The following CNTN5 variants were observed in gnomAD, a reference collection of about 807,000 sequenced individuals.
CNTN5 encodes contactin-5.
Under a neutral mutation model 129.1 loss-of-function variants are expected in CNTN5, and 77 were observed. The observed-to-expected ratio is 0.60, with a 90% CI of 0.50 to 0.72. The LOEUF is 0.72. Ranked by LOEUF, CNTN5 falls within the 30% of genes least tolerant of loss-of-function variation. The pLI is 0.00. For synonymous variants in CNTN5, 509 were observed against 465.6 expected, an observed-to-expected ratio of 1.09 and a Z score of -1.20; for missense variants, 1,478 against 1,328.8, an observed-to-expected ratio of 1.11 and a Z score of -1.75.
chr11:99,474,173 A>C (rs1312836094), intron 2 of CNTN5, among the ~76,000 whole-genome samples: 1 of 151,898 alleles, frequency 6.6e-6, no homozygotes, highest in African/African-American at 2.4e-5. Context: ...ATTTATATAT[A>C]AAAAATACTG....
intron 3 of CNTN5, among the ~76,000 whole-genome samples, chr11:99,603,005 G>C (rs1172281881): frequency 1.4e-5 from 1 of 72,486 alleles, no homozygotes; most frequent in Non-Finnish European, 2.8e-5. Flanking sequence ...GGAAAAAACA[G>C]AACAGAAAAA....
intron 3 of CNTN5, among the ~76,000 whole-genome samples, chr11:99,751,557 T>C (rs542882078): frequency 2.5e-4 from 38 of 152,276 alleles, no homozygotes; most frequent in African/African-American, 8.9e-4. Context: ...CTATATAAAT[T>C]CAATGATAAA....
chr11:100,277,837 T>G (rs759549354), intron 18 of CNTN5, among the ~76,000 whole-genome samples: 55 of 152,258 alleles, frequency 3.6e-4, no homozygotes, highest in Non-Finnish European at 5.3e-4. Context: ...TTGTCTATTT[T>G]TGCTTTAGTT....
chr11:99,732,460 C>CTCAGTATAATAACTGAGT (rs1943567846), intron 3 of CNTN5, among the ~76,000 whole-genome samples: 1 of 150,988 alleles, frequency 6.6e-6, no homozygotes, highest in African/African-American at 2.4e-5. Flanking sequence ...TAACTGAGTA[C>CTCAGTATAATAACTGAGT]ATTGTACAGT....
intron 1 of CNTN5, among the ~76,000 whole-genome samples, chr11:99,216,951 G>A (rs1160400294): frequency 7.2e-5 from 11 of 152,070 alleles, no homozygotes; most frequent in Admixed American, 5.2e-4. Context: ...TTGGGAGGCC[G>A]AGGCAGGCAA....
chr11:99,631,322 G>A (rs1000835553), intron 3 of CNTN5, among the ~76,000 whole-genome samples: 15 of 151,998 alleles, frequency 9.9e-5, no homozygotes, highest in African/African-American at 3.6e-4. Context: ...CATATAATGA[G>A]CCATTTATGT....
intron 2 of CNTN5, among the ~76,000 whole-genome samples, chr11:99,353,724 A>G (rs1266181136): frequency 6.6e-6 from 1 of 152,178 alleles, no homozygotes; most frequent in African/African-American, 2.4e-5. Flanking sequence ...TTGCCTAAGA[A>G]TGAGGTTAAT....
chr11:99,476,170 T>A (rs2135293294), intron 2 of CNTN5, among the ~76,000 whole-genome samples: 1 of 152,168 alleles, frequency 6.6e-6, no homozygotes, highest in Non-Finnish European at 1.5e-5. Context: ...TATTTTTCTT[T>A]GATTTATTTT....
At chr11:99,032,101 C>G (rs576098932) in intron 1 of CNTN5, among the ~76,000 whole-genome samples, 1 of 151,926 alleles carries the variant, frequency 6.6e-6, no homozygotes, top group African/African-American at 2.4e-5. Flanking sequence ...TGAACTCATC[C>G]TTTTTTATGG....
chr11:100,098,280 G>C lies in CNTN5; in HGVS notation c.1580+23986G>C, dbSNP rs940786232. 4.6e-5 allele frequency among the ~76,000 whole-genome samples: 7 copies of C among 151,928 alleles called. No homozygotes were observed. The East Asian group carries it at 1.2e-3, about 25-fold the overall frequency. ...GCAAATTCAATATTATTCATCTTTT[G>C]TTGTATTCAAAGATAAGAAAGTAGT... On this transcript the variant is annotated intron_variant, in intron 13 of 24. Transcript: ENST00000524871.
chr11:99,458,260 ATAAG>A (rs776701889), intron 2 of CNTN5, among the ~76,000 whole-genome samples: 15 of 152,052 alleles, frequency 9.9e-5, no homozygotes, highest in Admixed American at 2.0e-4. Flanking sequence ...ATTTACACAA[ATAAG>A]TAAGTGAACA....
At chr11:99,383,420 A>G (rs1940724888) in intron 2 of CNTN5, among the ~76,000 whole-genome samples, 1 of 152,210 alleles carries the variant, frequency 6.6e-6, no homozygotes, top group Non-Finnish European at 1.5e-5. Flanking sequence ...CTACACAGAA[A>G]ATATTGAGAC....
intron 3 of CNTN5, among the ~76,000 whole-genome samples, chr11:99,807,946 G>T (rs531571434): frequency 6.6e-6 from 1 of 152,156 alleles, no homozygotes; most frequent in East Asian, 1.9e-4. Context: ...CCACCGTTTT[G>T]GATCTGAACC....
At chr11:99,493,520 TAA>T (rs1161717282) in intron 2 of CNTN5, among the ~76,000 whole-genome samples, 2 of 152,206 alleles carry the variant, frequency 1.3e-5, no homozygotes, top group African/African-American at 2.4e-5. Context: ...GAAAATAAAT[TAA>T]GTTTATAAAT....
At chr11:100,014,198 G>A (rs538582756) in intron 9 of CNTN5, among the ~76,000 whole-genome samples, 2 of 152,166 alleles carry the variant, frequency 1.3e-5, no homozygotes, top group African/African-American at 4.8e-5. Flanking sequence ...AATATGTGAT[G>A]ATCTAGTGTG....
rs999333507 is a variant in CNTN5 at position 99,249,184 on chromosome 11, C to T, written c.-209-76162C>T. ...TTCTCCTTGAAGAGGTCTTTCATGT[C>T]CCTTGTAAGTTGGATTCCTAGGTAT... is the stretch of plus-strand genomic sequence containing the variant. On this transcript the variant is annotated intron_variant, in intron 1 of 24. Coordinates refer to ENST00000524871, the MANE Select transcript of CNTN5 (RefSeq NM_014361.4). 2.0e-5 allele frequency among the ~76,000 whole-genome samples: 3 copies of T among 152,050 alleles called. No individual in the cohort carries two copies. In the South Asian group the frequency reaches 6.2e-4, roughly 31 times the overall value.
At chr11:99,834,173 G>A (rs955586215) in intron 4 of CNTN5, among the ~76,000 whole-genome samples, 3 of 152,122 alleles carry the variant, frequency 2.0e-5, no homozygotes, top group African/African-American at 7.2e-5. Flanking sequence ...AGAGGTTGTT[G>A]TCCATTTAGA....
At chr11:99,427,439 G>A (rs992839454) in intron 2 of CNTN5, among the ~76,000 whole-genome samples, 1 of 152,110 alleles carries the variant, frequency 6.6e-6, no homozygotes, top group African/African-American at 2.4e-5. Context: ...GAAACAGCAA[G>A]ACATAATAGA....
chr11:99,680,528 T>A (rs1218908098), intron 3 of CNTN5, among the ~76,000 whole-genome samples: 2 of 151,928 alleles, frequency 1.3e-5, no homozygotes, highest in Non-Finnish European at 2.9e-5. Context: ...CTGTCGAGAT[T>A]TAATGCTCAG....
Sources: allele counts gnomAD v4.1 joint callset (sites outside exome capture counted in the v4.1 genomes callset), GRCh38; gene constraint gnomAD v4.1.1; transcripts MANE v1.5; gene names NCBI Gene and HGNC (gene_info 2026-07-23, HGNC 2026-07-21).